LETM2: variants seen among roughly 807,000 people sequenced by gnomAD.
LETM2 encodes the protein leucine zipper and EF-hand containing transmembrane protein 2.
A neutral mutation model predicts 59.6 loss-of-function variants in LETM2; 58 were observed. That is an observed-to-expected ratio of 0.97 (90% CI 0.79 to 1.21). The LOEUF (loss-of-function observed/expected upper bound fraction) is 1.21. Ranked by LOEUF, LETM2 falls within the 50% of genes most tolerant of loss-of-function variation. The pLI is 0.00. For synonymous variants in LETM2, 199 were observed against 214.1 expected, an observed-to-expected ratio of 0.93 and a Z score of 0.62; for missense variants, 572 against 575.7, an observed-to-expected ratio of 0.99 and a Z score of 0.07.
rs182202403 is a variant in LETM2, at chr8:38,398,598, C to T, written c.646-1674C>T. Among the ~76,000 whole-genome samples, 116 of 152,134 alleles carry T rather than the reference C, an allele frequency of 7.6e-4. 2 individuals are homozygous for T. The Middle Eastern group carries it at 0.021, about 27-fold the overall frequency. ...CACTACACTAAAAGTTCCATGAGGGCAGGAATTCTTACCTGTTGTTGCTCA... is the reference window on the plus strand; with the variant it reads ...CACTACACTAAAAGTTCCATGAGGGTAGGAATTCTTACCTGTTGTTGCTCA... On this transcript the variant is annotated intron_variant, in intron 4 of 10. Coordinates refer to ENST00000379957, the MANE Select transcript of LETM2 (RefSeq NM_001286819.2).
intron 4 of LETM2, among the ~76,000 whole-genome samples, chr8:38,398,720 C>CTTTT (rs869232263): frequency 1.5e-4 from 17 of 115,800 alleles, no homozygotes; most frequent in Non-Finnish European, 2.3e-4. Context: ...TAAGTGGGTT[C>CTTTT]TTTTTTTTTT....
At chr8:38,407,885 G>A (rs1276356953) in intron 10 of LETM2, among the ~76,000 whole-genome samples, 2 of 152,140 alleles carry the variant, frequency 1.3e-5, no homozygotes, top group Non-Finnish European at 2.9e-5. Context: ...AGGGATTTGG[G>A]GCAAGAGCAC....
intron 4 of LETM2, chr8:38,396,975 T>C: frequency 2.6e-6 from 1 of 379,320 alleles, no homozygotes; most frequent in South Asian, 1.9e-5. Context: ...AGTGGAACAG[T>C]AGGTATGATT....
chr8:38,391,191 A>AC (rs1306170134), intron 2 of LETM2, among the ~76,000 whole-genome samples: 108 of 142,606 alleles, frequency 7.6e-4, no homozygotes, highest in African/African-American at 2.5e-3. Context: ...CAAAAAAAAA[A>AC]AAAAAAACAA....
intron 7 of LETM2, among the ~76,000 whole-genome samples, chr8:38,404,101 T>C (rs917090292): frequency 1.1e-4 from 16 of 152,206 alleles, no homozygotes; most frequent in African/African-American, 3.9e-4. Flanking sequence ...ATCTACACTT[T>C]GTCCAACAGA....
chr8:38,390,685 GTTTTTTGT>G (rs763498526), intron 2 of LETM2, among the ~76,000 whole-genome samples: 2 of 139,032 alleles, frequency 1.4e-5, no homozygotes, highest in African/African-American at 5.3e-5. Context: ...TTTGTTTTTT[GTTTTTTGT>G]TTTTTTGTGA....
intron 2 of LETM2, among the ~76,000 whole-genome samples, chr8:38,388,998 T>C (rs1417255464): frequency 6.6e-6 from 1 of 151,968 alleles, no homozygotes; most frequent in Admixed American, 6.6e-5. Flanking sequence ...ACTCCTGACC[T>C]CAGGTAATCC....
intron 2 of LETM2, 114 bp from the exon 3 acceptor site, chr8:38,392,428 C>G: frequency 1.4e-6 from 1 of 711,974 alleles, no homozygotes; most frequent in Non-Finnish European, 2.3e-6. Flanking sequence ...AAAAAAAAAG[C>G]TGTTTTATTT....
At chr8:38,400,635 A>G in intron 5 of LETM2, 1 of 658,388 alleles carries the variant, frequency 1.5e-6, no homozygotes, top group South Asian at 2.1e-5. Context: ...AACTTCTTGG[A>G]GAGAACAGTA....
chr8:38,402,501 CTCCA>C lies in LETM2; in HGVS notation c.985-20_985-17del, dbSNP rs777278907. 3 of 1,612,352 alleles carry C rather than the reference CTCCA, an allele frequency of 1.9e-6. No individual in the cohort carries two copies. In the African/African-American group the frequency reaches 4.0e-5, roughly 22 times the overall value. On this transcript the variant is annotated intron_variant, in intron 6 of 10. Coordinates refer to ENST00000379957, the MANE Select transcript of LETM2 (RefSeq NM_001286819.2). ...GTAAAATTGGAATCAAAAGTTCCAA[CTCCA>C]TCCCTTACATTTCTTTCAGATAATT...
intron 4 of LETM2, among the ~76,000 whole-genome samples, chr8:38,395,707 G>C (rs1029850834): frequency 1.3e-5 from 2 of 151,972 alleles, no homozygotes; most frequent in African/African-American, 4.8e-5. Flanking sequence ...GTAGAGATAG[G>C]GTTTCACCAT....
In LETM2 at chr8:38,388,028, A is replaced by G. The variant is rs1811908503; in HGVS notation, c.45A>G (p.Thr15=). The change falls in exon 2 of 11, where the codon ACA becomes ACG. Residue 15 remains threonine (T), a splice_region_variant and synonymous_variant. Coordinates refer to ENST00000379957, the MANE Select transcript of LETM2 (RefSeq NM_001286819.2). ...SYNSVLAIAR[T]RFPSHFVHPT... is the part of the protein sequence containing the mutation. ...ATTCAGTTCTGGCTATTGCTCGAAC[A>G]AGGTAAGCATTGGAGTTACCCCCCA... 2.0e-6 allele frequency: 3 copies of G among 1,528,150 alleles called. No individual in the cohort carries two copies. The highest frequency in any genetic ancestry group is 3.3e-4 in the Middle Eastern group (2 of 5,984). 94.7% of individuals were successfully genotyped at this position (1,528,150 alleles called of 1,614,324 possible). A position where few individuals can be genotyped will look rare whatever the true frequency, so the allele number is the denominator to read the frequency against.
chr8:38,395,905 A>G (rs892023298), intron 4 of LETM2, among the ~76,000 whole-genome samples: 3 of 152,142 alleles, frequency 2.0e-5, no homozygotes, highest in Admixed American at 6.5e-5. Context: ...TTTATCAGAT[A>G]TATATTTTGC....
intron 4 of LETM2, among the ~76,000 whole-genome samples, chr8:38,398,984 G>A (rs1334295671): frequency 6.6e-6 from 1 of 151,892 alleles, no homozygotes. Flanking sequence ...GCCTCCCAAA[G>A]TGCTGGGATT....
At chr8:38,402,489 C>T (rs377476399) in intron 6 of LETM2, 36 bp from the exon 7 acceptor site, 31 of 1,605,518 alleles carry the variant, frequency 1.9e-5, no homozygotes, top group Non-Finnish European at 2.6e-5. Flanking sequence ...AAATTGGAAT[C>T]AAAAGTTCCA....
chr8:38,386,408 T>A (rs1811777046), upstream of LETM2: 1 of 152,122 alleles, frequency 6.6e-6, no homozygotes, highest in Admixed American at 6.6e-5. Flanking sequence ...TCCCCAGAAC[T>A]TGAGAGCTTA....
chr8:38,400,707 A>G (rs549766715), intron 5 of LETM2, 146 bp from the exon 6 acceptor site: 33 of 767,320 alleles, frequency 4.3e-5, no homozygotes, highest in Non-Finnish European at 5.5e-5. Flanking sequence ...CTTCAGATGG[A>G]TATCTTTTCT....
intron 3 of LETM2, 58 bp downstream of exon 3, chr8:38,393,053 A>G: frequency 7.2e-7 from 1 of 1,380,362 alleles, no homozygotes; most frequent in Non-Finnish European, 9.9e-7. Flanking sequence ...CTATTTGGGA[A>G]CTCAACTATT....
intron 7 of LETM2, among the ~76,000 whole-genome samples, 168 bp downstream of exon 7, chr8:38,402,812 G>A (rs1396933204): frequency 6.6e-6 from 1 of 152,122 alleles, no homozygotes; most frequent in African/African-American, 2.4e-5. Context: ...ACTTTGATTG[G>A]GATCTCTATC....
Sources: allele counts gnomAD v4.1 joint callset (sites outside exome capture counted in the v4.1 genomes callset), GRCh38; gene constraint gnomAD v4.1.1; transcripts MANE v1.5; gene names NCBI Gene and HGNC (gene_info 2026-07-23, HGNC 2026-07-21).